GLG1: variants seen among roughly 807,000 people sequenced by gnomAD.
GLG1 encodes the protein Golgi apparatus protein 1.
GLG1 carries 38 observed loss-of-function variants against 160.5 expected under a neutral mutation model. The ratio of observed to expected loss-of-function variants is 0.24; its 90% CI spans 0.18 to 0.31. The LOEUF (loss-of-function observed/expected upper bound fraction) is 0.31. Among genes scored for constraint, GLG1 ranks in the 10% least tolerant of loss-of-function variants. The probability of loss-of-function intolerance (pLI) is 1.00; values close to 1 mark genes in which losing one functional copy is unlikely to be tolerated. For missense variants in GLG1, 1,373 were observed against 1,505.2 expected (o/e 0.91, Z 1.45); for synonymous variants, 644 against 543.4 (o/e 1.19, Z -2.57).
rs968331686 is a variant in GLG1, at chr16:74,572,467, C to G, written c.438+34190G>C. Among the ~76,000 whole-genome samples, 3 of 150,100 alleles carry G rather than the reference C, an allele frequency of 2.0e-5. No homozygotes were observed. In the East Asian group the frequency reaches 5.9e-4, roughly 30 times the overall value. ...CGGAGGTTGCAGTGTGAGCCGAGAT[C>G]GCACCACTGCCCTCCAGCCTGGGAA... On this transcript the variant is annotated intron_variant, in intron 1 of 25. Transcript: ENST00000422840.
chr16:74,516,348 A>C (rs1195729643), intron 2 of GLG1, among the ~76,000 whole-genome samples: 1 of 151,750 alleles, frequency 6.6e-6, no homozygotes, highest in Non-Finnish European at 1.5e-5. Context: ...AAATTGTAAC[A>C]AACTGTCTCT....
At chr16:74,535,134 C>G (rs1253714974) in intron 1 of GLG1, among the ~76,000 whole-genome samples, 1 of 152,134 alleles carries the variant, frequency 6.6e-6, no homozygotes, top group Non-Finnish European at 1.5e-5. Context: ...GAAAGAAAAA[C>G]AAGCCTCGAG....
intron 23 of GLG1, chr16:74,458,221 G>A: frequency 2.3e-6 from 1 of 431,698 alleles, no homozygotes; most frequent in African/African-American, 2.0e-5. Context: ...AAAAAGCAGG[G>A]GACTGTAAGT....
chr16:74,540,011 T>A (rs1382726558), intron 1 of GLG1, among the ~76,000 whole-genome samples: 239 of 896 alleles, frequency 0.27, 99 homozygotes, highest in East Asian at 1. Flanking sequence ...ATATATATAT[T>A]TTATATATAT....
chr16:74,549,047 A>G (rs1376383659), intron 1 of GLG1, among the ~76,000 whole-genome samples: 1 of 152,226 alleles, frequency 6.6e-6, no homozygotes, highest in African/African-American at 2.4e-5. Context: ...TCATTTGCCA[A>G]TCAGCAAATG....
intron 2 of GLG1, among the ~76,000 whole-genome samples, chr16:74,522,965 A>G (rs2017217556): frequency 6.6e-6 from 1 of 152,212 alleles, no homozygotes; most frequent in South Asian, 2.1e-4. Context: ...ATTACAGGCC[A>G]GAGCCACGGA....
intron 4 of GLG1, among the ~76,000 whole-genome samples, chr16:74,501,850 T>C (rs1008878519): frequency 6.6e-6 from 1 of 152,212 alleles, no homozygotes; most frequent in East Asian, 1.9e-4. Flanking sequence ...AGGAAAACAC[T>C]GCGTTCTTTA....
intron 1 of GLG1, among the ~76,000 whole-genome samples, chr16:74,572,549 A>G (rs924961632): frequency 2.7e-5 from 4 of 150,380 alleles, no homozygotes; most frequent in African/African-American, 9.8e-5. Context: ...AACACAAAAC[A>G]CCCCAAAGGA....
chr16:74,598,447 G>T (rs1958356764), intron 1 of GLG1, among the ~76,000 whole-genome samples: 2 of 151,016 alleles, frequency 1.3e-5, no homozygotes, highest in Admixed American at 1.3e-4. Flanking sequence ...CTTGAACCCA[G>T]GAGGTGGAGG....
intron 2 of GLG1, among the ~76,000 whole-genome samples, chr16:74,519,090 G>A (rs966911212): frequency 5.3e-5 from 8 of 152,132 alleles, no homozygotes; most frequent in Non-Finnish European, 1.2e-4. Context: ...CAACCCAAAT[G>A]TCCATCAATG....
rs746379496 is a variant in GLG1, at chr16:74,496,483, T to C, written c.936A>G (p.Leu312=). 15 of 1,614,024 alleles carry C rather than the reference T, an allele frequency of 9.3e-6. No homozygotes were observed. Among genetic ancestry groups the C allele is most frequent in the Non-Finnish European group, 1.2e-5 (14 of 1,179,936 alleles). ...SSDDFHLDRH[L]YFACRDDRER... is the part of the protein sequence containing the mutation. ...CCCGATCATCTCGGCAAGCAAAATATAAATGCCGGTCTAAGTGAAAGTCAT... is the reference window on the plus strand; with the variant it reads ...CCCGATCATCTCGGCAAGCAAAATACAAATGCCGGTCTAAGTGAAAGTCAT... The change falls in exon 5 of 26, where the codon TTA becomes TTG. Residue 312 remains leucine (L), a synonymous_variant. Coordinates refer to ENST00000422840, the MANE Select transcript of GLG1 (RefSeq NM_001145667.2).
At chr16:74,487,522 A>C (rs1440561999) in intron 8 of GLG1, among the ~76,000 whole-genome samples, 1 of 152,220 alleles carries the variant, frequency 6.6e-6, no homozygotes, top group Admixed American at 6.5e-5. Flanking sequence ...CTACGATAGA[A>C]GTTATTTATA....
intron 2 of GLG1, 99 bp from the exon 3 acceptor site, chr16:74,509,024 T>C (rs2016713013): frequency 1.6e-6 from 1 of 619,914 alleles, no homozygotes; most frequent in Non-Finnish European, 2.9e-6. Flanking sequence ...TTATACAGAG[T>C]CAGACAAAGC....
At chr16:74,573,798 C>CTTTT in intron 1 of GLG1, among the ~76,000 whole-genome samples, 1 of 142,460 alleles carries the variant, frequency 7.0e-6, no homozygotes, top group East Asian at 2.1e-4. Flanking sequence ...TATCTAGCGT[C>CTTTT]TTTTTTTTTT....
At chr16:74,557,252 T>C (rs749069129) in intron 1 of GLG1, among the ~76,000 whole-genome samples, 5 of 152,236 alleles carry the variant, frequency 3.3e-5, no homozygotes, top group African/African-American at 4.8e-5. Flanking sequence ...TATGATTTGT[T>C]TGACTTTTGT....
At chr16:74,517,037 G>T (rs969016251) in intron 2 of GLG1, among the ~76,000 whole-genome samples, 7 of 152,098 alleles carry the variant, frequency 4.6e-5, no homozygotes, top group Middle Eastern at 3.2e-3. Context: ...CTAATAACAG[G>T]TTCTGAAATT....
chr16:74,477,568 G>GT (rs2015429765), intron 11 of GLG1, 35 bp from the exon 12 acceptor site: 1 of 1,573,212 alleles, frequency 6.4e-7, no homozygotes, highest in African/African-American at 1.4e-5. Flanking sequence ...TACTTGAAAG[G>GT]TAACAAAACA....
intron 8 of GLG1, among the ~76,000 whole-genome samples, chr16:74,488,869 T>A (rs913358594): frequency 6.6e-6 from 1 of 152,260 alleles, no homozygotes; most frequent in Non-Finnish European, 1.5e-5. Flanking sequence ...TCTGCCTGCC[T>A]TGGCCTCCCA....
At chr16:74,585,745 A>G (rs1397812350) in intron 1 of GLG1, among the ~76,000 whole-genome samples, 1 of 150,614 alleles carries the variant, frequency 6.6e-6, no homozygotes, top group Non-Finnish European at 1.5e-5. Context: ...AAGTAAAATT[A>G]TGACAAATAA....
Sources: gnomAD v4.1 joint callset for allele counts (sites outside exome capture counted in the v4.1 genomes callset) on GRCh38, gnomAD v4.1.1 for gene constraint, MANE v1.5 for transcripts, NCBI Gene and HGNC (gene_info 2026-07-23, HGNC 2026-07-21) for gene names.